The following RBMS1 variants were observed in gnomAD, a reference collection of about 807,000 sequenced individuals.
The protein encoded by RBMS1 is RNA-binding motif, single-stranded-interacting protein 1.
A neutral mutation model predicts 62.3 loss-of-function variants in RBMS1; 17 were observed. The ratio of observed to expected loss-of-function variants is 0.27; its 90% confidence interval spans 0.19 to 0.41. The LOEUF (loss-of-function observed/expected upper bound fraction) is 0.41, where lower values mean the gene tolerates loss of function less well. Among genes scored for constraint, RBMS1 ranks in the 10% least tolerant of loss-of-function variants. The probability of loss-of-function intolerance (pLI) is 1.00; values close to 1 mark genes in which losing one functional copy is unlikely to be tolerated. For synonymous variants in RBMS1, 172 were observed against 170.0 expected (o/e 1.01, Z -0.09); for missense variants, 334 against 504.5 (o/e 0.66, Z 3.24).
At chr2:160,357,413 G>A (rs895528031) in intron 2 of RBMS1, among the ~76,000 whole-genome samples, 5 of 152,020 alleles carry the variant, frequency 3.3e-5, no homozygotes, top group African/African-American at 1.2e-4. Context: ...TGACAATAAC[G>A]AAGATTGGCT....
At chr2:160,479,948 A>G (rs1437343680) in intron 1 of RBMS1, among the ~76,000 whole-genome samples, 1 of 152,212 alleles carries the variant, frequency 6.6e-6, no homozygotes. Flanking sequence ...GGCAATAATC[A>G]AAGCTTAAAA....
rs1294013189 is a variant in RBMS1 at position 160,436,096 on chromosome 2, CTG to C, written c.75+57191_75+57192del. On this transcript the variant is annotated intron_variant, in intron 1 of 13. Transcript: ENST00000348849. ...CAACTTAAGTAACATATGTAAGTAA[CTG>C]TGATAGATAATCTCCAATGAGCCAC... is the stretch of plus-strand genomic sequence containing the variant. Among the ~76,000 whole-genome samples, 3 of 152,296 alleles carry C rather than the reference CTG, an allele frequency of 2.0e-5. No individual in the cohort carries two copies. In the East Asian group the frequency reaches 5.8e-4, roughly 29 times the overall value.
intron 4 of RBMS1, 126 bp downstream of exon 4, chr2:160,313,030 T>C (rs1690015070): frequency 3.9e-6 from 3 of 773,102 alleles, no homozygotes; most frequent in South Asian, 1.9e-5. Context: ...ACAGGACAAG[T>C]GTCCAGAAGG....
chr2:160,378,664 A>G (rs557529323), intron 1 of RBMS1, among the ~76,000 whole-genome samples: 6 of 151,880 alleles, frequency 4.0e-5, no homozygotes, highest in African/African-American at 1.4e-4. Context: ...ATAAGAGTAC[A>G]CTCAGAGTCA....
rs573951092 is a variant in RBMS1 at position 160,349,825 on chromosome 2, G to A, written c.251+17391C>T. Among the ~76,000 whole-genome samples the A allele has an allele frequency of 4.0e-5, 6 of 151,142 alleles. No homozygotes were observed. The South Asian group carries it at 1.1e-3, about 27-fold the overall frequency. Reference sequence around the variant, plus strand: ...ATTATGACAATAGCACAAGCAAAGCGGGGTGGGGGGGTGGAGGGGGGTTGA... The same window carrying A: ...ATTATGACAATAGCACAAGCAAAGCAGGGTGGGGGGGTGGAGGGGGGTTGA... On this transcript the variant is annotated intron_variant, in intron 2 of 13. Coordinates refer to ENST00000348849, the MANE Select transcript of RBMS1 (RefSeq NM_016836.4).
At chr2:160,362,847 A>G (rs1290620838) in intron 2 of RBMS1, among the ~76,000 whole-genome samples, 7 of 152,148 alleles carry the variant, frequency 4.6e-5, no homozygotes, top group Non-Finnish European at 7.4e-5. Flanking sequence ...CCTCCCAAAA[A>G]AAAAGCCTCA....
chr2:160,348,311 C>T (rs562283527), intron 2 of RBMS1, among the ~76,000 whole-genome samples: 1 of 151,752 alleles, frequency 6.6e-6, no homozygotes, highest in Admixed American at 6.6e-5. Context: ...CATTTACTTA[C>T]AAGAATAAAA....
intron 1 of RBMS1, among the ~76,000 whole-genome samples, chr2:160,447,841 A>T (rs1450645201): frequency 6.6e-6 from 1 of 152,176 alleles, no homozygotes; most frequent in Non-Finnish European, 1.5e-5. Context: ...TCTTACACAG[A>T]ATTGGATGAT....
chr2:160,409,676 G>A (rs1279403255), intron 1 of RBMS1, among the ~76,000 whole-genome samples: 3 of 152,112 alleles, frequency 2.0e-5, no homozygotes, highest in Admixed American at 6.5e-5. Flanking sequence ...TACAACCTCA[G>A]TTGTCAAGAG....
chr2:160,463,760 G>A (rs1389336998), intron 1 of RBMS1, among the ~76,000 whole-genome samples: 2 of 152,312 alleles, frequency 1.3e-5, no homozygotes, highest in Non-Finnish European at 2.9e-5. Context: ...ACACCAGCCT[G>A]GGTGACAAGA....
At chr2:160,352,168 G>C (rs1049997026) in intron 2 of RBMS1, among the ~76,000 whole-genome samples, 1 of 152,132 alleles carries the variant, frequency 6.6e-6, no homozygotes, top group Non-Finnish European at 1.5e-5. Context: ...CTGGGCTTAA[G>C]AGAAGTTCTG....
At chr2:160,310,243 A>G (rs80339456) in intron 4 of RBMS1, among the ~76,000 whole-genome samples, 1 of 152,214 alleles carries the variant, frequency 6.6e-6, no homozygotes, top group South Asian at 2.1e-4. Context: ...GTGTGCACAC[A>G]TATAACAAAT....
At chr2:160,461,769 T>G (rs1300229551) in intron 1 of RBMS1, among the ~76,000 whole-genome samples, 1 of 152,222 alleles carries the variant, frequency 6.6e-6, no homozygotes, top group Non-Finnish European at 1.5e-5. Flanking sequence ...AATTCAGAAA[T>G]TCTTCACAAA....
At chr2:160,382,480 T>C (rs1694328642) in intron 1 of RBMS1, among the ~76,000 whole-genome samples, 1 of 152,186 alleles carries the variant, frequency 6.6e-6, no homozygotes, top group African/African-American at 2.4e-5. Context: ...AAAATTTGAG[T>C]CCTAATAATC....
At chr2:160,475,873 T>TC (rs1431716689) in intron 1 of RBMS1, among the ~76,000 whole-genome samples, 2 of 151,570 alleles carry the variant, frequency 1.3e-5, no homozygotes, top group Non-Finnish European at 2.9e-5. Context: ...TTTTTTTTTT[T>TC]TGAGAAGGGT....
intron 9 of RBMS1, chr2:160,282,868 C>T (rs956858127): frequency 6.6e-6 from 1 of 152,304 alleles, no homozygotes; most frequent in African/African-American, 2.4e-5. Flanking sequence ...TCCACTGACC[C>T]TACTAGGTCC....
intron 1 of RBMS1, among the ~76,000 whole-genome samples, chr2:160,463,824 G>A (rs983676405): frequency 6.6e-6 from 1 of 152,134 alleles, no homozygotes; most frequent in African/African-American, 2.4e-5. Context: ...GAGCAACAAA[G>A]GCAATTTAAC....
chr2:160,286,066 G>A (rs1201832096), intron 7 of RBMS1, among the ~76,000 whole-genome samples: 3 of 151,980 alleles, frequency 2.0e-5, no homozygotes, highest in Admixed American at 6.5e-5. Flanking sequence ...AGCGGAGATC[G>A]TGCCACTGCC....
chr2:160,356,354 T>C lies in RBMS1; in HGVS notation c.251+10862A>G, dbSNP rs73969164. Among the ~76,000 whole-genome samples, 586 of 152,292 alleles carry C rather than the reference T, an allele frequency of 3.8e-3. 4 individuals carry two copies. Among genetic ancestry groups the C allele is most frequent in the African/African-American group, 0.014 (563 of 41,582 alleles). The stretch of plus-strand genomic sequence containing the variant: ...AGTGGACATAAGAAAAGGTGCTTTT[T>C]CTAATAAAATCTTGTTAAATCTATC... On this transcript the variant is annotated intron_variant, in intron 2 of 13. Transcript: ENST00000348849.
Sources: gnomAD v4.1 joint callset for allele counts (sites outside exome capture counted in the v4.1 genomes callset) on GRCh38, gnomAD v4.1.1 for gene constraint, MANE v1.5 for transcripts, NCBI Gene and HGNC (gene_info 2026-07-23, HGNC 2026-07-21) for gene names.